ALDH1L1: variants seen among roughly 807,000 people sequenced by gnomAD.
ALDH1L1 encodes the protein aldehyde dehydrogenase 1 family member L1.
Under a neutral mutation model 101.1 loss-of-function variants are expected in ALDH1L1, and 68 were observed. The observed-to-expected ratio is 0.67, with a 90% CI of 0.55 to 0.82. ALDH1L1 has a LOEUF of 0.82. Among genes scored for constraint, ALDH1L1 ranks in the 40% least tolerant of loss-of-function variants. The pLI is 0.00. For synonymous variants in ALDH1L1, 486 were observed against 470.8 expected (o/e 1.03, Z -0.42); for missense variants, 1,087 against 1,172.7 (o/e 0.93, Z 1.07).
upstream of ALDH1L1, among the ~76,000 whole-genome samples, chr3:126,184,343 A>G (rs1868120): frequency 1 from 151,737 of 152,352 alleles, 75,578 homozygotes; most frequent in Middle Eastern, 1. Flanking sequence ...CCTGACCCCA[A>G]CCTTCTCCTT....
chr3:126,169,825 T>TATC (rs34604209), intron 1 of ALDH1L1, among the ~76,000 whole-genome samples: 15,052 of 152,224 alleles, frequency 0.099, 1,100 homozygotes, highest in East Asian at 0.19. Context: ...AAATCAGTCC[T>TATC]ATCATAAATT....
intron 1 of ALDH1L1, among the ~76,000 whole-genome samples, chr3:126,193,400 T>C (rs1359685555): frequency 6.6e-6 from 1 of 152,240 alleles, no homozygotes; most frequent in East Asian, 1.9e-4. Flanking sequence ...TGGAGTCTAG[T>C]GCATGAGCTC....
chr3:126,112,266 C>T (rs1317093459), intron 19 of ALDH1L1, among the ~76,000 whole-genome samples: 1 of 152,204 alleles, frequency 6.6e-6, no homozygotes, highest in African/African-American at 2.4e-5. Flanking sequence ...GGGAGCTACT[C>T]TCCCCTGCTG....
At chr3:126,122,760 T>G (rs1256889150) in intron 16 of ALDH1L1, among the ~76,000 whole-genome samples, 1 of 152,198 alleles carries the variant, frequency 6.6e-6, no homozygotes, top group Non-Finnish European at 1.5e-5. Context: ...GAAGTTGATT[T>G]TGATAAGTAT....
chr3:126,116,076 T>C (rs1436391372), intron 17 of ALDH1L1, among the ~76,000 whole-genome samples: 1 of 151,606 alleles, frequency 6.6e-6, no homozygotes, highest in Non-Finnish European at 1.5e-5. Flanking sequence ...GAGATGGGGT[T>C]TCACCATGTT....
intron 15 of ALDH1L1, among the ~76,000 whole-genome samples, chr3:126,124,661 G>A (rs928961835): frequency 2.0e-5 from 3 of 152,172 alleles, no homozygotes; most frequent in Non-Finnish European, 4.4e-5. Flanking sequence ...GAATCAGGGT[G>A]GGCCAACATC....
intron 1 of ALDH1L1, among the ~76,000 whole-genome samples, chr3:126,187,096 G>A (rs1287818894): frequency 6.6e-6 from 1 of 152,184 alleles, no homozygotes; most frequent in Non-Finnish European, 1.5e-5. Flanking sequence ...GTTTGGCTGG[G>A]AAGGGGAAGG....
intron 7 of ALDH1L1, 158 bp downstream of exon 7, chr3:126,153,286 C>G: frequency 1.8e-6 from 2 of 1,136,778 alleles, no homozygotes; most frequent in African/African-American, 1.5e-5. Flanking sequence ...TCAGGACCAG[C>G]CGGGTGGTCA....
At chr3:126,114,403 C>G (rs996753930) in intron 18 of ALDH1L1, among the ~76,000 whole-genome samples, 154 bp downstream of exon 18, 2 of 152,176 alleles carry the variant, frequency 1.3e-5, no homozygotes, top group Non-Finnish European at 2.9e-5. Context: ...CTTCCCTAAG[C>G]CTGCTGCCTG....
intron 1 of ALDH1L1, among the ~76,000 whole-genome samples, chr3:126,188,597 A>C (rs1267748755): frequency 6.6e-6 from 1 of 152,194 alleles, no homozygotes; most frequent in Non-Finnish European, 1.5e-5. Context: ...AATGTGAATA[A>C]AACTTAGGGC....
rs746281586 is a variant in ALDH1L1 at position 126,118,098 on chromosome 3, C to G, written c.1889G>C (p.Gly630Ala). Residue 630 changes from glycine (G) to alanine (A), a missense_variant and splice_region_variant, in exon 17 of 23, where the codon GGC becomes GCC. By Grantham distance (60) the Gly-to-Ala change is moderately conservative (BLOSUM62 0). Around this residue, in one of 2 missense-constraint regions of ALDH1L1, gnomAD observed 442 missense variants for 535.7 expected, o/e 0.83. Transcript: ENST00000393434. ...TGAGAGTCTCTGGCCGACCAGGGAG[C>G]CTGTGGGCGGGAGGGAGGGGGGAAT... ...KGVVNVLPGSGSLVGQRLSDH... is the reference protein window; with the variant it reads ...KGVVNVLPGSASLVGQRLSDH... 2 of 1,613,064 alleles carry G rather than the reference C, an allele frequency of 1.2e-6. No individual in the cohort carries two copies. The highest frequency in any genetic ancestry group is 1.7e-6 in the Non-Finnish European group (2 of 1,179,710).
At chr3:126,173,285 G>T (rs1054422840) in intron 1 of ALDH1L1, among the ~76,000 whole-genome samples, 2 of 152,144 alleles carry the variant, frequency 1.3e-5, no homozygotes, top group East Asian at 1.9e-4. Context: ...TGAAATGAAT[G>T]ATAGCAGTAA....
Position 126,160,898 on chromosome 3 carries a change from C to T in ALDH1L1, c.82G>A (p.Gly28Ser). Residue 28 changes from glycine to serine, a missense_variant, in exon 2 of 23, where the codon GGT (glycine) becomes AGT (serine). Physicochemically the swap from Gly to Ser is moderately conservative, Grantham distance 56. Coordinates refer to ENST00000393434, the MANE Select transcript of ALDH1L1 (RefSeq NM_012190.4). ...HLRKEGHEVV[G>S]VFTVPDKDGK... The stretch of plus-strand genomic sequence containing the variant: ...TCCTTGTCTGGAACAGTGAACACAC[C>T]CACCACTTCGTGGCCCTCCTTCCTC... 3 of 1,614,254 alleles carry T rather than the reference C, an allele frequency of 1.9e-6. No individual in the cohort carries two copies. The East Asian group carries it at 6.7e-5, about 36-fold the overall frequency.
intron 20 of ALDH1L1, among the ~76,000 whole-genome samples, chr3:126,108,361 A>G (rs1945958575): frequency 6.6e-6 from 1 of 152,158 alleles, no homozygotes; most frequent in Non-Finnish European, 1.5e-5. Flanking sequence ...TACCCCCTCC[A>G]GGGCGGGGTG....
At chr3:126,193,510 C>T (rs71327759) in intron 1 of ALDH1L1, among the ~76,000 whole-genome samples, 33,735 of 152,070 alleles carry the variant, frequency 0.22, 4,469 homozygotes, top group Middle Eastern at 0.32. Flanking sequence ...AACTTAGGGC[C>T]GTAGCACCAC....
intron 12 of ALDH1L1, 66 bp from the exon 13 acceptor site, chr3:126,131,600 G>C (rs2080309111): frequency 9.1e-6 from 14 of 1,530,238 alleles, no homozygotes; most frequent in Admixed American, 1.9e-5. Flanking sequence ...GCCCTCACAA[G>C]GCCCTTCTTC....
chr3:126,121,956 G>A (rs920167225), intron 16 of ALDH1L1, among the ~76,000 whole-genome samples: 4 of 152,148 alleles, frequency 2.6e-5, no homozygotes, highest in African/African-American at 7.2e-5. Context: ...CACCCAGACC[G>A]CACTCATAAG....
rs201046083 is a variant in ALDH1L1, at chr3:126,153,433, C to T, written c.858+11G>A. On this transcript the variant is annotated intron_variant, in intron 7 of 22. Coordinates refer to ENST00000393434, the MANE Select transcript of ALDH1L1 (RefSeq NM_012190.4). ...TTTGAGCAGGCAAGTGACCCACAGC[C>T]GTGCCCTTACCATTTTGTCATCATT... is the stretch of plus-strand genomic sequence containing the variant. 5.0e-5 allele frequency: 80 copies of T among 1,613,106 alleles called. No individual in the cohort carries two copies. The highest frequency in any genetic ancestry group is 4.7e-4 in the African/African-American group (35 of 75,052).
chr3:126,108,804 G>A (rs1047379416), intron 20 of ALDH1L1, among the ~76,000 whole-genome samples: 2 of 152,224 alleles, frequency 1.3e-5, no homozygotes, highest in African/African-American at 4.8e-5. Flanking sequence ...TGCAGCTGCA[G>A]TACAGGTCAA....
Sources: allele counts gnomAD v4.1 joint callset (sites outside exome capture counted in the v4.1 genomes callset), GRCh38; gene constraint gnomAD v4.1.1; regional missense constraint gnomAD v4.1.1; transcripts MANE v1.5; gene names NCBI Gene and HGNC (gene_info 2026-07-23, HGNC 2026-07-21).